CTNNA2: variants seen among roughly 807,000 people sequenced by gnomAD.
CTNNA2 encodes catenin alpha-2.
Under a neutral mutation model 101.0 loss-of-function variants are expected in CTNNA2, and 42 were observed. The observed-to-expected ratio is 0.42, with a 90% confidence interval of 0.32 to 0.54. CTNNA2 has a LOEUF of 0.54. Among genes scored for constraint, CTNNA2 ranks in the 20% least tolerant of loss-of-function variants. CTNNA2 has a pLI of 0.14. For missense variants in CTNNA2, 871 were observed against 1,223.1 expected (o/e 0.71, Z 4.29); for synonymous variants, 450 against 456.4 (o/e 0.99, Z 0.18).
At chr2:79,206,358 C>T (rs1674100096) in intron 2 of CTNNA2, among the ~76,000 whole-genome samples, 1 of 151,578 alleles carries the variant, frequency 6.6e-6, no homozygotes, top group African/African-American at 2.4e-5. Flanking sequence ...TTTGAAGCTA[C>T]AGGGTCAATA....
At chr2:79,886,336 A>G (rs1418231098) in intron 6 of CTNNA2, among the ~76,000 whole-genome samples, 1 of 152,130 alleles carries the variant, frequency 6.6e-6, no homozygotes, top group Non-Finnish European at 1.5e-5. Context: ...TTTCTGGGGT[A>G]CAGAGGATGG....
At chr2:79,533,796 GCAAA>G (rs113575760) in intron 1 of CTNNA2, among the ~76,000 whole-genome samples, 1 of 151,816 alleles carries the variant, frequency 6.6e-6, no homozygotes, top group African/African-American at 2.4e-5. Flanking sequence ...CATTAAACAG[GCAAA>G]CAAATAGCCC....
chr2:80,497,817 A>C (rs994921136), intron 9 of CTNNA2, among the ~76,000 whole-genome samples: 1 of 152,210 alleles, frequency 6.6e-6, no homozygotes, highest in African/African-American at 2.4e-5. Flanking sequence ...ATGGACTGCC[A>C]GCAAGAAAGT....
intron 7 of CTNNA2, among the ~76,000 whole-genome samples, chr2:80,370,715 A>G (rs967274345): frequency 2.0e-5 from 3 of 152,206 alleles, no homozygotes; most frequent in African/African-American, 4.8e-5. Flanking sequence ...CTGGCTTTTC[A>G]CTATACCACA....
chr2:79,959,802 A>G (rs776071931), intron 7 of CTNNA2, among the ~76,000 whole-genome samples: 1 of 152,218 alleles, frequency 6.6e-6, no homozygotes, highest in Admixed American at 6.5e-5. Context: ...TCTGCTAGGC[A>G]CTTGGTTGGA....
At chr2:80,632,823 C>G (rs959479911) in intron 18 of CTNNA2, among the ~76,000 whole-genome samples, 4 of 152,162 alleles carry the variant, frequency 2.6e-5, no homozygotes, top group African/African-American at 9.7e-5. Flanking sequence ...TCACAGACTT[C>G]TCTAAAATTT....
chr2:80,394,203 G>T (rs1677788243), intron 8 of CTNNA2, among the ~76,000 whole-genome samples: 1 of 152,174 alleles, frequency 6.6e-6, no homozygotes, highest in Non-Finnish European at 1.5e-5. Flanking sequence ...TCCAGCATTT[G>T]CTCCTGCAGT....
At chr2:79,429,090 A>T (rs1438310520) in intron 4 of CTNNA2, among the ~76,000 whole-genome samples, 2 of 152,132 alleles carry the variant, frequency 1.3e-5, no homozygotes, top group African/African-American at 4.8e-5. Flanking sequence ...TTGTTTATTT[A>T]TTCTACCTAC....
intron 3 of CTNNA2, among the ~76,000 whole-genome samples, chr2:79,757,301 T>A (rs1315871057): frequency 6.6e-6 from 1 of 152,216 alleles, no homozygotes; most frequent in South Asian, 2.1e-4. Flanking sequence ...GTTGATATGC[T>A]TAGCAAAAAT....
intron 9 of CTNNA2, among the ~76,000 whole-genome samples, chr2:80,422,442 T>TG (rs1320508376): frequency 1.3e-5 from 2 of 149,008 alleles, no homozygotes; most frequent in African/African-American, 4.9e-5. Flanking sequence ...ATAGTTTGTT[T>TG]TTTTTTTTTT....
At chr2:79,223,997 G>C (rs964650153) in intron 2 of CTNNA2, among the ~76,000 whole-genome samples, 4 of 152,208 alleles carry the variant, frequency 2.6e-5, no homozygotes, top group Non-Finnish European at 5.9e-5. Flanking sequence ...GAGTGGGACA[G>C]ACTTTGAAAT....
At chr2:79,212,173 C>G (rs939069469) in intron 2 of CTNNA2, among the ~76,000 whole-genome samples, 38 of 152,038 alleles carry the variant, frequency 2.5e-4, no homozygotes, top group Admixed American at 1.8e-3. Context: ...GGGGATAGCA[C>G]CAGGAGATAT....
chr2:80,483,962 T>G (rs1686346852), intron 9 of CTNNA2, among the ~76,000 whole-genome samples: 1 of 151,998 alleles, frequency 6.6e-6, no homozygotes, highest in African/African-American at 2.4e-5. Flanking sequence ...TCATCATGGG[T>G]AAATGTGAAG....
intron 1 of CTNNA2, among the ~76,000 whole-genome samples, chr2:79,526,747 A>G (rs1202446587): frequency 6.6e-6 from 1 of 152,150 alleles, no homozygotes; most frequent in East Asian, 1.9e-4. Flanking sequence ...ATTTAAACAA[A>G]TGGTGCTGAG....
At chr2:79,409,723 T>C (rs1199306913) in intron 4 of CTNNA2, among the ~76,000 whole-genome samples, 1 of 149,098 alleles carries the variant, frequency 6.7e-6, no homozygotes, top group South Asian at 2.2e-4. Context: ...TAGTTTGAAG[T>C]CAGGTAGCGT....
intron 9 of CTNNA2, among the ~76,000 whole-genome samples, chr2:80,497,960 C>T (rs567859158): frequency 6.6e-5 from 10 of 152,286 alleles, no homozygotes; most frequent in African/African-American, 1.7e-4. Context: ...TCCCAAAGCC[C>T]ACCTACTCTA....
Position 79,726,116 on chromosome 2 carries a change from CTTTG to C in CTNNA2, c.103-18270_103-18267del, listed in dbSNP as rs535088298. Reference sequence around the variant, plus strand: ...TCATTTCTAGAAGACAAATTTTAACCTTTGACACTAGATTGGTGTAATCCTAGTT... The same window carrying C: ...TCATTTCTAGAAGACAAATTTTAACCACACTAGATTGGTGTAATCCTAGTT... On this transcript the variant is annotated intron_variant, in intron 2 of 18. Coordinates refer to ENST00000402739, the MANE Select transcript of CTNNA2 (RefSeq NM_001282597.3). Among the ~76,000 whole-genome samples the C allele has an allele frequency of 1.0e-3, 156 of 152,220 alleles. 5 individuals are homozygous for C. In the South Asian group the frequency reaches 0.031, roughly 30 times the overall value.
intron 7 of CTNNA2, among the ~76,000 whole-genome samples, chr2:80,372,119 C>A (rs1675499164): frequency 6.6e-6 from 1 of 152,046 alleles, no homozygotes; most frequent in Non-Finnish European, 1.5e-5. Flanking sequence ...CCCTATGAAA[C>A]AAATTCATGC....
chr2:79,375,787 C>T (rs549792101), intron 4 of CTNNA2, among the ~76,000 whole-genome samples: 34 of 152,208 alleles, frequency 2.2e-4, no homozygotes, highest in Admixed American at 1.2e-3. Flanking sequence ...TCAAACATGC[C>T]GGTGCAAAGC....
Sources: gnomAD v4.1 joint callset for allele counts (sites outside exome capture counted in the v4.1 genomes callset) on GRCh38, gnomAD v4.1.1 for gene constraint, MANE v1.5 for transcripts, NCBI Gene and HGNC (gene_info 2026-07-23, HGNC 2026-07-21) for gene names.